The following RPS6KC1 variants were observed in gnomAD, a reference collection of about 807,000 sequenced individuals.
RPS6KC1 encodes ribosomal protein S6 kinase C1.
A neutral mutation model predicts 103.8 loss-of-function variants in RPS6KC1; 54 were observed. That is an observed-to-expected ratio of 0.52 (90% CI 0.42 to 0.65). The LOEUF is 0.65. Among genes scored for constraint, RPS6KC1 ranks in the 30% least tolerant of loss-of-function variants. The pLI, the probability that RPS6KC1 is intolerant of heterozygous loss-of-function variation, is 0.00. For missense variants in RPS6KC1, 1,151 were observed against 1,253.8 expected, an observed-to-expected ratio of 0.92 and a Z score of 1.24; for synonymous variants, 439 against 438.7, an observed-to-expected ratio of 1.00 and a Z score of -0.01.
intron 12 of RPS6KC1, among the ~76,000 whole-genome samples, chr1:213,256,020 T>C (rs1209508599): frequency 6.6e-6 from 1 of 151,856 alleles, no homozygotes; most frequent in Admixed American, 6.5e-5. Context: ...TTAAAAATTA[T>C]TCAATGTCTT....
chr1:213,718,465 C>A, the RPS6KC1 span, among the ~76,000 whole-genome samples: 2 of 152,226 alleles, frequency 1.3e-5, no homozygotes, highest in Non-Finnish European at 2.9e-5. Context: ...ATATGTAACA[C>A]CCTCTCTGAG....
intron 8 of RPS6KC1, among the ~76,000 whole-genome samples, chr1:213,185,937 CAA>C (rs2092506711): frequency 2.0e-5 from 3 of 149,802 alleles, no homozygotes. Context: ...ACAAATATAA[CAA>C]GAGACAGTTC....
the RPS6KC1 span, among the ~76,000 whole-genome samples, chr1:213,370,248 ATTTAT>A: frequency 3.4e-3 from 486 of 142,150 alleles, 3 homozygotes; most frequent in African/African-American, 0.012. Flanking sequence ...ATTTTATTTT[ATTTAT>A]TTTATTTTAT....
the RPS6KC1 span, among the ~76,000 whole-genome samples, chr1:213,425,927 G>T: frequency 1.3e-5 from 2 of 152,164 alleles, no homozygotes; most frequent in Admixed American, 1.3e-4. Flanking sequence ...TGCAGGAGAC[G>T]CTTGGGTTGA....
chr1:213,628,555 C>G, the RPS6KC1 span, among the ~76,000 whole-genome samples: 2 of 151,934 alleles, frequency 1.3e-5, no homozygotes, highest in African/African-American at 4.8e-5. Flanking sequence ...TATACATGTG[C>G]CATGTTGTTG....
chr1:213,728,567 A>G, the RPS6KC1 span, among the ~76,000 whole-genome samples: 1 of 152,120 alleles, frequency 6.6e-6, no homozygotes, highest in African/African-American at 2.4e-5. Context: ...TCGGGATTAT[A>G]AGAGTACCCA....
intron 5 of RPS6KC1, among the ~76,000 whole-genome samples, chr1:213,119,845 T>C (rs2084182360): frequency 6.6e-6 from 1 of 152,058 alleles, no homozygotes. Context: ...GCTGTATTAA[T>C]GCTAAAGGAG....
chr1:213,108,470 G>C (rs1030646969), intron 4 of RPS6KC1, among the ~76,000 whole-genome samples: 1 of 152,006 alleles, frequency 6.6e-6, no homozygotes, highest in Non-Finnish European at 1.5e-5. Flanking sequence ...GAACCATACT[G>C]TCTTGATTAC....
the RPS6KC1 span, among the ~76,000 whole-genome samples, chr1:213,445,095 A>G: frequency 2.0e-5 from 3 of 152,232 alleles, no homozygotes; most frequent in Non-Finnish European, 2.9e-5. Flanking sequence ...AATTCATATC[A>G]TACAACATGT....
At chr1:213,805,238 A>T in the RPS6KC1 span, among the ~76,000 whole-genome samples, 14 of 152,316 alleles carry the variant, frequency 9.2e-5, no homozygotes, top group African/African-American at 3.1e-4. Flanking sequence ...AAAATAAGAC[A>T]ACAATGAAGT....
the RPS6KC1 span, among the ~76,000 whole-genome samples, chr1:213,314,299 G>A: frequency 6.6e-6 from 1 of 152,190 alleles, no homozygotes; most frequent in Non-Finnish European, 1.5e-5. Flanking sequence ...TTCCAAATCA[G>A]ATCACATTCA....
the RPS6KC1 span, among the ~76,000 whole-genome samples, chr1:213,412,851 T>C: frequency 6.6e-6 from 1 of 152,238 alleles, no homozygotes; most frequent in Non-Finnish European, 1.5e-5. Flanking sequence ...TCTTTTCTCC[T>C]GAAGTCACTG....
chr1:213,367,155 G>A, the RPS6KC1 span, among the ~76,000 whole-genome samples: 1 of 152,226 alleles, frequency 6.6e-6, no homozygotes, highest in African/African-American at 2.4e-5. Context: ...TTTCATGCAT[G>A]TTCTAACTAA....
chr1:213,160,841 G>A (rs2090398412), intron 6 of RPS6KC1, among the ~76,000 whole-genome samples: 1 of 148,872 alleles, frequency 6.7e-6, no homozygotes, highest in Non-Finnish European at 1.5e-5. Context: ...ACACACTGGG[G>A]CCTGTCATGG....
At chr1:213,538,929 C>T in the RPS6KC1 span, among the ~76,000 whole-genome samples, 1 of 152,086 alleles carries the variant, frequency 6.6e-6, no homozygotes, top group Non-Finnish European at 1.5e-5. Flanking sequence ...TCATCTATAC[C>T]ACAAGTCTTT....
At chr1:213,855,551 C>T in the RPS6KC1 span, among the ~76,000 whole-genome samples, 1 of 152,220 alleles carries the variant, frequency 6.6e-6, no homozygotes, top group Admixed American at 6.5e-5. Context: ...CCTTGGGTGC[C>T]TTCCCTTGTC....
the RPS6KC1 span, among the ~76,000 whole-genome samples, chr1:213,737,445 GT>G: frequency 1.1e-3 from 160 of 152,310 alleles, no homozygotes; most frequent in African/African-American, 3.8e-3. Context: ...CTGGAAACAG[GT>G]AGGTTTACCT....
chr1:213,435,569 TGTTTA>T, the RPS6KC1 span, among the ~76,000 whole-genome samples: 3 of 152,210 alleles, frequency 2.0e-5, no homozygotes, highest in Non-Finnish European at 4.4e-5. Context: ...AACAGAGCAG[TGTTTA>T]GTTTATGTTT....
At chr1:213,546,063 A>T in the RPS6KC1 span, among the ~76,000 whole-genome samples, 1 of 152,156 alleles carries the variant, frequency 6.6e-6, no homozygotes, top group Admixed American at 6.5e-5. Context: ...TCCCCCGCTC[A>T]CCTGGACCGA....
Sources: allele counts gnomAD v4.1 joint callset (sites outside exome capture counted in the v4.1 genomes callset), GRCh38; gene constraint gnomAD v4.1.1; transcripts MANE v1.5; gene names NCBI Gene and HGNC (gene_info 2026-07-23, HGNC 2026-07-21).